The following PDE4B variants were observed in gnomAD, a reference collection of about 807,000 sequenced individuals.
The protein encoded by PDE4B is 3',5'-cyclic-AMP phosphodiesterase 4B.
Under a neutral mutation model 82.2 loss-of-function variants are expected in PDE4B, and 20 were observed. That is an observed-to-expected ratio of 0.24 (90% CI 0.17 to 0.35). The LOEUF is 0.35. Ranked by LOEUF, PDE4B falls within the 10% of genes least tolerant of loss-of-function variation. The pLI is 1.00. For synonymous variants in PDE4B, 320 were observed against 318.9 expected, an observed-to-expected ratio of 1.00 and a Z score of -0.04; for missense variants, 655 against 907.2, an observed-to-expected ratio of 0.72 and a Z score of 3.57.
At chr1:65,836,538 A>G (rs1356489734) in intron 1 of PDE4B, among the ~76,000 whole-genome samples, 1 of 152,128 alleles carries the variant, frequency 6.6e-6, no homozygotes, top group Non-Finnish European at 1.5e-5. Flanking sequence ...TGAACCAGGT[A>G]AACACCGGGG....
chr1:66,148,111 A>G lies in PDE4B; in HGVS notation c.282-99349A>G, dbSNP rs565115313. ...ATGGCAAAACCCTGTGTGTACTAAA[A>G]ATACAAAACTTAGCCGAGCTTGGTG... On this transcript the variant is annotated intron_variant, in intron 3 of 16. Coordinates refer to ENST00000341517, the MANE Select transcript of PDE4B (RefSeq NM_002600.4). 3.6e-4 allele frequency among the ~76,000 whole-genome samples: 55 copies of G among 152,166 alleles called. 1 individual carries two copies. Among genetic ancestry groups the G allele is most frequent in the Non-Finnish European group, 6.3e-4 (43 of 68,016 alleles).
chr1:65,931,287 T>C (rs1647818593), intron 3 of PDE4B, among the ~76,000 whole-genome samples: 1 of 152,162 alleles, frequency 6.6e-6, no homozygotes, highest in Non-Finnish European at 1.5e-5. Flanking sequence ...CCTCTTTTCT[T>C]TATAAATTAC....
rs541659800 is a variant in PDE4B, at chr1:66,274,342, T to A, written c.634+8255T>A. On this transcript the variant is annotated intron_variant, in intron 7 of 16. Transcript: ENST00000341517. ...CACCCAGCTAATTTTTTTTTTTTTT[T>A]ATATATTTTTAGTAGAGAAGGAGTT... 6.9e-4 allele frequency among the ~76,000 whole-genome samples: 103 copies of A among 148,764 alleles called. 1 individual carries two copies. The highest frequency in any genetic ancestry group is 1.2e-3 in the Non-Finnish European group (78 of 67,116).
rs760824200 is a variant in PDE4B at position 66,367,857 on chromosome 1, CTT to C, written c.1539+9_1539+10del. The C allele has an allele frequency of 8.1e-6, 13 of 1,613,144 alleles. No homozygotes were observed. Among genetic ancestry groups the C allele is most frequent in the Non-Finnish European group, 2.5e-6 (3 of 1,179,392 alleles). ...GAAGATGGTTATTGACATGGTAAGACTTTAGCCTCTCTACATTCCTCACTTAC... is the reference window on the plus strand; with the variant it reads ...GAAGATGGTTATTGACATGGTAAGACTAGCCTCTCTACATTCCTCACTTAC... On this transcript the variant is annotated splice_region_variant and intron_variant, in intron 14 of 16. Coordinates refer to ENST00000341517, the MANE Select transcript of PDE4B (RefSeq NM_002600.4).
chr1:66,372,566 G>A lies in PDE4B; in HGVS notation c.2099G>A (p.Ser700Asn). ...CCTGAGAAGGAGGGAGAGGGACACA[G>A]CTATTTCAGCAGCACAAAGACGCTT... ...EGPEKEGEGH[S>N]YFSSTKTLCV... Residue 700 changes from serine to asparagine, a missense_variant, in exon 17 of 17, where the codon AGC becomes AAC. Ser to Asn is a conservative substitution (Grantham distance 46). Transcript: ENST00000341517. 6.2e-7 allele frequency: 1 copy of A among 1,614,166 alleles called. No homozygotes were observed. The highest frequency in any genetic ancestry group is 8.5e-7 in the Non-Finnish European group (1 of 1,180,000).
At chr1:66,312,442 A>G (rs577262263) in intron 7 of PDE4B, among the ~76,000 whole-genome samples, 1 of 152,242 alleles carries the variant, frequency 6.6e-6, no homozygotes, top group East Asian at 1.9e-4. Flanking sequence ...TTTCATTTTC[A>G]AAGGGAGCAA....
At chr1:65,928,473 C>A (rs1005252178) in intron 3 of PDE4B, among the ~76,000 whole-genome samples, 2 of 152,130 alleles carry the variant, frequency 1.3e-5, no homozygotes, top group African/African-American at 4.8e-5. Flanking sequence ...GTAGCTACGC[C>A]CACCTTGCCT....
intron 3 of PDE4B, among the ~76,000 whole-genome samples, chr1:65,973,318 T>A (rs1051282260): frequency 6.6e-6 from 1 of 151,888 alleles, no homozygotes; most frequent in Non-Finnish European, 1.5e-5. Context: ...TATGATTTTA[T>A]GTATAAAATA....
At chr1:66,318,355 T>C (rs1659171035) in intron 7 of PDE4B, among the ~76,000 whole-genome samples, 1 of 152,218 alleles carries the variant, frequency 6.6e-6, no homozygotes, top group Non-Finnish European at 1.5e-5. Context: ...GCCTGACTTA[T>C]GGTGGGTCAA....
chr1:66,250,280 T>G (rs1653648179), intron 4 of PDE4B, among the ~76,000 whole-genome samples: 1 of 152,090 alleles, frequency 6.6e-6, no homozygotes, highest in Non-Finnish European at 1.5e-5. Flanking sequence ...GGCCACTGGG[T>G]GGGGGCTGCC....
chr1:66,290,150 A>T (rs529122812), intron 7 of PDE4B, among the ~76,000 whole-genome samples: 1 of 152,290 alleles, frequency 6.6e-6, no homozygotes, highest in African/African-American at 2.4e-5. Context: ...AGCAGAGAAA[A>T]GATTAGGCAG....
intron 3 of PDE4B, among the ~76,000 whole-genome samples, chr1:66,123,008 G>A (rs910351287): frequency 6.6e-6 from 1 of 151,842 alleles, no homozygotes; most frequent in Non-Finnish European, 1.5e-5. Context: ...GCCTGGCCAG[G>A]ATTTTTTTTC....
At chr1:65,870,616 A>G (rs895395802) in intron 1 of PDE4B, among the ~76,000 whole-genome samples, 3 of 152,182 alleles carry the variant, frequency 2.0e-5, no homozygotes, top group Non-Finnish European at 4.4e-5. Flanking sequence ...AAATTAGCAA[A>G]AGAGTTATAA....
At chr1:66,034,938 C>G (rs1211412113) in intron 3 of PDE4B, among the ~76,000 whole-genome samples, 2 of 152,116 alleles carry the variant, frequency 1.3e-5, no homozygotes, top group Non-Finnish European at 2.9e-5. Flanking sequence ...GGATGGGGGA[C>G]TGTTTAAACT....
chr1:65,827,664 G>A (rs898916074), intron 1 of PDE4B, among the ~76,000 whole-genome samples: 3 of 152,080 alleles, frequency 2.0e-5, no homozygotes, highest in Admixed American at 2.0e-4. Flanking sequence ...TTATCAAACA[G>A]CCTATTCTAC....
At chr1:66,264,962 A>G (rs111761480) in intron 6 of PDE4B, among the ~76,000 whole-genome samples, 72 of 152,370 alleles carry the variant, frequency 4.7e-4, no homozygotes, top group Non-Finnish European at 7.1e-4. Flanking sequence ...TCCCCAGATG[A>G]GTCGGCTGCG....
chr1:66,073,418 A>G (rs1332732257), intron 3 of PDE4B, among the ~76,000 whole-genome samples: 1 of 152,148 alleles, frequency 6.6e-6, no homozygotes, highest in Non-Finnish European at 1.5e-5. Flanking sequence ...TAGACAGGAA[A>G]GTCTCAATAA....
intron 3 of PDE4B, among the ~76,000 whole-genome samples, chr1:66,072,284 AG>A (rs1425891617): frequency 3.9e-5 from 6 of 152,260 alleles, no homozygotes; most frequent in African/African-American, 1.2e-4. Flanking sequence ...CCCCTCCAAA[AG>A]ATACACATCC....
rs368318358 is a variant in PDE4B at position 66,245,063 on chromosome 1, C to T, written c.282-2397C>T. On this transcript the variant is annotated intron_variant, in intron 3 of 16. Coordinates refer to ENST00000341517, the MANE Select transcript of PDE4B (RefSeq NM_002600.4). ...GAGCTCGGTGGGCATACCCACTTGG[C>T]ACCTGCTCTAAGATTTTAGCACAGA... is the stretch of plus-strand genomic sequence containing the variant. 3.0e-4 allele frequency among the ~76,000 whole-genome samples: 45 copies of T among 152,238 alleles called. 1 individual carries two copies. The East Asian group carries it at 7.0e-3, about 24-fold the overall frequency.
Sources: gnomAD v4.1 joint callset for allele counts (sites outside exome capture counted in the v4.1 genomes callset) on GRCh38, gnomAD v4.1.1 for gene constraint, MANE v1.5 for transcripts, NCBI Gene and HGNC (gene_info 2026-07-23, HGNC 2026-07-21) for gene names.